Variants in DLG5 observed in about 807,000 individuals in gnomAD.
The protein encoded by DLG5 is disks large homolog 5.
DLG5 carries 48 observed loss-of-function variants against 189.8 expected under a neutral mutation model. The observed-to-expected ratio is 0.25, with a 90% confidence interval of 0.20 to 0.32. The LOEUF (loss-of-function observed/expected upper bound fraction) is 0.32, where lower values mean the gene tolerates loss of function less well. Among genes scored for constraint, DLG5 ranks in the 10% least tolerant of loss-of-function variants. The pLI is 1.00. For missense variants in DLG5, 2,160 were observed against 2,544.7 expected, an observed-to-expected ratio of 0.85 and a Z score of 3.25; for synonymous variants, 1,016 against 1,054.1, an observed-to-expected ratio of 0.96 and a Z score of 0.70.
At chr10:77,865,045 A>G (rs1844617831) in intron 2 of DLG5, among the ~76,000 whole-genome samples, 1 of 152,192 alleles carries the variant, frequency 6.6e-6, no homozygotes, top group Admixed American at 6.5e-5. Context: ...TCCAAGGGCC[A>G]CTTCCTCCAG....
chr10:77,939,048 C>T, the DLG5 span, among the ~76,000 whole-genome samples: 2 of 152,200 alleles, frequency 1.3e-5, no homozygotes, highest in South Asian at 4.1e-4. Context: ...GGTGTGGTGG[C>T]GCATGCCTGT....
At chr10:77,822,727 T>C (rs1842433506) in intron 14 of DLG5, among the ~76,000 whole-genome samples, 1 of 152,218 alleles carries the variant, frequency 6.6e-6, no homozygotes, top group African/African-American at 2.4e-5. Flanking sequence ...GTTAAAAATA[T>C]ATCTCTTGTG....
chr10:77,814,482 T>TA (rs1291500722), intron 20 of DLG5, among the ~76,000 whole-genome samples: 1 of 106,686 alleles, frequency 9.4e-6, no homozygotes, highest in Non-Finnish European at 1.7e-5. Flanking sequence ...TATATATATA[T>TA]ATATATATAT....
intron 7 of DLG5, among the ~76,000 whole-genome samples, chr10:77,837,717 C>A (rs993053907): frequency 6.6e-6 from 1 of 152,208 alleles, no homozygotes; most frequent in Non-Finnish European, 1.5e-5. Context: ...AGGGCTCCCC[C>A]ATCCTGCAGA....
chr10:77,883,150 C>G (rs1253403556), intron 1 of DLG5, among the ~76,000 whole-genome samples: 2 of 152,096 alleles, frequency 1.3e-5, no homozygotes, highest in African/African-American at 4.8e-5. Flanking sequence ...AACCTGTCTC[C>G]AGCAACTGTG....
At chr10:77,914,679 A>G (rs915478124) in intron 1 of DLG5, among the ~76,000 whole-genome samples, 6 of 151,912 alleles carry the variant, frequency 3.9e-5, no homozygotes, top group Non-Finnish European at 7.4e-5. Context: ...CAGGAGTAAC[A>G]TAACACTCTG....
intron 10 of DLG5, 100 bp from the exon 11 acceptor site, chr10:77,830,444 C>T (rs1842845117): frequency 1.3e-6 from 2 of 1,536,242 alleles, no homozygotes; most frequent in South Asian, 1.2e-5. Flanking sequence ...GGGGGACTGT[C>T]CCTTCACCTC....
At position 77,794,966 on chromosome 10, in the gene DLG5, G is replaced by T. The variant is rs753176126; in HGVS notation, c.5437-8C>A. On this transcript the variant is annotated splice_polypyrimidine_tract_variant and splice_region_variant and intron_variant, in intron 29 of 31. Transcript: ENST00000372391. Reference sequence around the variant, plus strand: ...CAGGAGGCAGTGTCGGTTCTGGGGTGGGGGGTGCAGAGTGAGCCCTGGCGG... The same window carrying T: ...CAGGAGGCAGTGTCGGTTCTGGGGTTGGGGGTGCAGAGTGAGCCCTGGCGG... 14 of 1,611,334 alleles carry T rather than the reference G, an allele frequency of 8.7e-6. No homozygotes were observed. The highest frequency in any genetic ancestry group is 2.2e-5 in the South Asian group (2 of 90,830).
intron 20 of DLG5, among the ~76,000 whole-genome samples, chr10:77,815,299 G>A (rs1315499353): frequency 1.3e-5 from 2 of 152,202 alleles, no homozygotes; most frequent in African/African-American, 4.8e-5. Context: ...GTGTTTTGCT[G>A]TCCTTCCGTT....
At chr10:77,830,698 C>A in intron 10 of DLG5, 43 bp downstream of exon 10, 1 of 1,605,914 alleles carries the variant, frequency 6.2e-7, no homozygotes, top group South Asian at 1.1e-5. Context: ...TCTCCTCCTT[C>A]ATCCATCAGA....
At chr10:77,845,934 TAAAAAAAAA>T (rs1209911526) in intron 5 of DLG5, among the ~76,000 whole-genome samples, 1 of 97,518 alleles carries the variant, frequency 1.0e-5, no homozygotes, top group African/African-American at 4.2e-5. Context: ...AATCTTTCTT[TAAAAAAAAA>T]AAAAAAAAAA....
the DLG5 span, among the ~76,000 whole-genome samples, chr10:77,934,200 C>T: frequency 3.3e-5 from 5 of 151,532 alleles, no homozygotes; most frequent in Admixed American, 3.3e-4. Flanking sequence ...GAGAAACCCC[C>T]GTCTCCACTA....
intron 5 of DLG5, among the ~76,000 whole-genome samples, chr10:77,849,297 T>A (rs1164695329): frequency 6.6e-6 from 1 of 152,244 alleles, no homozygotes; most frequent in Non-Finnish European, 1.5e-5. Context: ...GCAACAAAAC[T>A]GCCCTTGTCC....
chr10:77,868,007 G>A (rs1382666240), intron 2 of DLG5: 2 of 456,596 alleles, frequency 4.4e-6, no homozygotes, highest in Non-Finnish European at 8.8e-6. Context: ...GCAAACCAAG[G>A]AGCACCAAGG....
At chr10:77,873,779 G>A (rs558327760) in intron 1 of DLG5, among the ~76,000 whole-genome samples, 1 of 152,290 alleles carries the variant, frequency 6.6e-6, no homozygotes, top group African/African-American at 2.4e-5. Context: ...TCCTCCAGAA[G>A]GGCCCAGGCA....
At chr10:77,815,060 C>G (rs964909382) in intron 20 of DLG5, among the ~76,000 whole-genome samples, 1 of 152,050 alleles carries the variant, frequency 6.6e-6, no homozygotes, top group African/African-American at 2.4e-5. Flanking sequence ...GGAGCAGGTC[C>G]TGGCTCTCCG....
At chr10:77,877,401 G>A (rs976261466) in intron 1 of DLG5, among the ~76,000 whole-genome samples, 12 of 152,030 alleles carry the variant, frequency 7.9e-5, no homozygotes, top group African/African-American at 2.2e-4. Flanking sequence ...GTTGAATTTC[G>A]AGGGATGAAA....
chr10:77,875,222 G>A (rs1310166441), intron 1 of DLG5, among the ~76,000 whole-genome samples: 1 of 152,232 alleles, frequency 6.6e-6, no homozygotes, highest in Non-Finnish European at 1.5e-5. Flanking sequence ...GCTCCACAGG[G>A]AAGAGCAGTC....
intron 7 of DLG5, among the ~76,000 whole-genome samples, chr10:77,840,488 C>A (rs539580631): frequency 6.6e-6 from 1 of 152,178 alleles, no homozygotes; most frequent in Non-Finnish European, 1.5e-5. Flanking sequence ...GAGGCCGAGG[C>A]GGAAGGATCG....
Sources: allele counts gnomAD v4.1 joint callset (sites outside exome capture counted in the v4.1 genomes callset), GRCh38; gene constraint gnomAD v4.1.1; transcripts MANE v1.5; gene names NCBI Gene and HGNC (gene_info 2026-07-23, HGNC 2026-07-21).